XRCC4: variants seen among roughly 807,000 people sequenced by gnomAD.
XRCC4 encodes X-ray repair cross complementing 4.
Under a neutral mutation model 39.1 loss-of-function variants are expected in XRCC4, and 28 were observed. The observed-to-expected ratio is 0.72, with a 90% CI of 0.53 to 0.98. The LOEUF (loss-of-function observed/expected upper bound fraction) is 0.98. Ranked by LOEUF, XRCC4 falls within the 50% of genes least tolerant of loss-of-function variation. The pLI is 0.00. For synonymous variants in XRCC4, 123 were observed against 126.4 expected (o/e 0.97, Z 0.18); for missense variants, 350 against 376.4 (o/e 0.93, Z 0.58).
intron 7 of XRCC4, among the ~76,000 whole-genome samples, chr5:83,326,641 G>A (rs937302839): frequency 6.6e-6 from 1 of 152,074 alleles, no homozygotes; most frequent in Non-Finnish European, 1.5e-5. Context: ...GCTTTTACAA[G>A]TGTAATTTTG....
chr5:83,114,108 C>T (rs886536395), intron 3 of XRCC4, among the ~76,000 whole-genome samples: 25 of 152,152 alleles, frequency 1.6e-4, no homozygotes, highest in African/African-American at 5.6e-4. Flanking sequence ...GACTGGGATG[C>T]AGGGAACCAA....
chr5:83,199,229 C>A (rs1490954781), intron 4 of XRCC4, among the ~76,000 whole-genome samples: 1 of 152,056 alleles, frequency 6.6e-6, no homozygotes, highest in Non-Finnish European at 1.5e-5. Context: ...CTTGATAGCC[C>A]GTTACAGTGT....
At chr5:83,180,962 TAA>T (rs971338373) in intron 3 of XRCC4, among the ~76,000 whole-genome samples, 4 of 151,538 alleles carry the variant, frequency 2.6e-5, no homozygotes, top group African/African-American at 9.7e-5. Context: ...CATGATAATT[TAA>T]AAAGTCAAAT....
chr5:83,274,966 T>G (rs1336840661), intron 7 of XRCC4, among the ~76,000 whole-genome samples: 1 of 152,182 alleles, frequency 6.6e-6, no homozygotes, highest in East Asian at 1.9e-4. Context: ...TATCACTGTG[T>G]GGAAAATGGA....
chr5:83,361,928 C>T, the XRCC4 span, among the ~76,000 whole-genome samples: 1 of 152,094 alleles, frequency 6.6e-6, no homozygotes, highest in Non-Finnish European at 1.5e-5. Context: ...GCCATGTTAT[C>T]TATTCCTTCC....
chr5:83,328,287 A>T (rs1756331363), intron 7 of XRCC4, among the ~76,000 whole-genome samples: 1 of 152,136 alleles, frequency 6.6e-6, no homozygotes, highest in Admixed American at 6.6e-5. Context: ...TCAGGGAGAT[A>T]CAATTCAAGT....
intron 3 of XRCC4, among the ~76,000 whole-genome samples, chr5:83,131,089 T>A (rs10075752): frequency 0.49 from 74,529 of 151,988 alleles, 19,236 homozygotes; most frequent in African/African-American, 0.63. Flanking sequence ...TCTTTCTTGC[T>A]TTCTCTTGTG....
At chr5:83,175,025 TAAAG>T (rs1283690665) in intron 3 of XRCC4, among the ~76,000 whole-genome samples, 5 of 152,192 alleles carry the variant, frequency 3.3e-5, no homozygotes, top group East Asian at 1.9e-4. Context: ...TGGTAGGAAC[TAAAG>T]AAAGAATGTT....
chr5:83,230,338 C>T (rs1752451152), intron 6 of XRCC4, among the ~76,000 whole-genome samples: 1 of 151,944 alleles, frequency 6.6e-6, no homozygotes, highest in African/African-American at 2.4e-5. Context: ...CAAACCTACA[C>T]AGGCGTTCTA....
intron 2 of XRCC4, among the ~76,000 whole-genome samples, chr5:83,110,752 G>A (rs1002791625): frequency 1.9e-4 from 29 of 152,170 alleles, no homozygotes; most frequent in African/African-American, 6.7e-4. Context: ...GGGAGTTTCT[G>A]TAATAATTTA....
At chr5:83,135,339 G>A (rs2386239) in intron 3 of XRCC4, among the ~76,000 whole-genome samples, 2 of 151,422 alleles carry the variant, frequency 1.3e-5, no homozygotes, top group African/African-American at 2.4e-5. Flanking sequence ...GTTCCTATTC[G>A]GCCATCTTGG....
chr5:83,144,697 T>C (rs1194503927), intron 3 of XRCC4, among the ~76,000 whole-genome samples: 2 of 152,028 alleles, frequency 1.3e-5, no homozygotes, highest in South Asian at 2.1e-4. Flanking sequence ...TCTAAGACTT[T>C]AAAAATCCTT....
chr5:83,315,606 C>T (rs1426488673), intron 7 of XRCC4, among the ~76,000 whole-genome samples: 1 of 152,096 alleles, frequency 6.6e-6, no homozygotes, highest in Non-Finnish European at 1.5e-5. Context: ...TTCTGAAAAT[C>T]CTAGGGCCCT....
chr5:83,148,502 T>C (rs1040004542), intron 3 of XRCC4, among the ~76,000 whole-genome samples: 3 of 152,192 alleles, frequency 2.0e-5, no homozygotes. Context: ...GGGAGAGTTA[T>C]TCTTTGAGTA....
chr5:83,367,761 T>TA, the XRCC4 span, among the ~76,000 whole-genome samples: 1 of 152,046 alleles, frequency 6.6e-6, no homozygotes, highest in Non-Finnish European at 1.5e-5. Flanking sequence ...GCTAATTTTT[T>TA]TTTTTTTTTT....
intron 1 of XRCC4, among the ~76,000 whole-genome samples, chr5:83,097,981 A>G (rs1395482642): frequency 6.7e-6 from 1 of 149,928 alleles, no homozygotes; most frequent in Non-Finnish European, 1.5e-5. Flanking sequence ...AAATTTGTTC[A>G]TGCATTAGGT....
At chr5:83,354,464 T>C (rs566134621), downstream of XRCC4, among the ~76,000 whole-genome samples, 15 of 152,350 alleles carry the variant, frequency 9.8e-5, no homozygotes, top group South Asian at 3.1e-3. Context: ...AAATTTTATA[T>C]GTACATACAT....
chr5:83,107,833 G>A (rs139478171), intron 2 of XRCC4, among the ~76,000 whole-genome samples: 1,797 of 151,998 alleles, frequency 0.012, 32 homozygotes, highest in African/African-American at 0.041. Flanking sequence ...ACAGAACTCA[G>A]TGGAAAGAGG....
intron 3 of XRCC4, among the ~76,000 whole-genome samples, chr5:83,126,453 T>A (rs188171511): frequency 6.6e-6 from 1 of 152,186 alleles, no homozygotes; most frequent in Non-Finnish European, 1.5e-5. Flanking sequence ...TCTTTGAGAA[T>A]TTTTTCTGTA....
Sources: allele counts gnomAD v4.1 joint callset (sites outside exome capture counted in the v4.1 genomes callset), GRCh38; gene constraint gnomAD v4.1.1; transcripts MANE v1.5; gene names NCBI Gene and HGNC (gene_info 2026-07-23, HGNC 2026-07-21).